The following PEAK1 variants were observed in gnomAD, a reference collection of about 807,000 sequenced individuals.
The protein encoded by PEAK1 is inactive tyrosine-protein kinase PEAK1.
PEAK1 carries 54 observed loss-of-function variants against 124.7 expected under a neutral mutation model. That is an observed-to-expected ratio of 0.43 (90% CI 0.35 to 0.54). PEAK1 has a LOEUF of 0.54. PEAK1 is among the 20% of genes least tolerant of loss of function. The pLI, the probability that PEAK1 is intolerant of heterozygous loss-of-function variation, is 0.01. For synonymous variants in PEAK1, 719 were observed against 760.0 expected (o/e 0.95, Z 0.89); for missense variants, 2,046 against 2,134.5 (o/e 0.96, Z 0.82).
intron 9 of PEAK1, among the ~76,000 whole-genome samples, chr15:77,128,620 T>C (rs970453944): frequency 1.3e-5 from 2 of 152,336 alleles, no homozygotes; most frequent in South Asian, 2.1e-4. Flanking sequence ...TAATAGAACT[T>C]GACTTGCCAG....
At position 77,332,371 on chromosome 15, in the gene PEAK1, G is replaced by A. The variant is rs949729598; in HGVS notation, c.-603+32792C>T. 2.0e-5 allele frequency: 11 copies of A among 550,354 alleles called. No individual in the cohort carries two copies. In the Admixed American group the frequency reaches 3.2e-4, roughly 16 times the overall value. The allele number at this position is 550,354 out of a possible 1,614,324, so 34.1% of individuals were successfully genotyped here. On this transcript the variant is annotated intron_variant, in intron 2 of 9. Coordinates refer to ENST00000682557, the MANE Select transcript of PEAK1 (RefSeq NM_001385026.1). ...TCCTAGCACTTTGGGAGGCTGAGAG[G>A]GGCAGATCACGAGGTCAGGAGATTG...
intron 1 of PEAK1, among the ~76,000 whole-genome samples, chr15:77,406,293 G>A (rs2142058368): frequency 6.6e-6 from 1 of 152,212 alleles, no homozygotes; most frequent in African/African-American, 2.4e-5. Flanking sequence ...AACCAGATAA[G>A]AGAAAGAAAT....
chr15:77,236,221 G>C (rs1317076782), intron 6 of PEAK1, among the ~76,000 whole-genome samples: 1 of 152,224 alleles, frequency 6.6e-6, no homozygotes, highest in Non-Finnish European at 1.5e-5. Context: ...CTGTGCGTCT[G>C]GAAGAGCGGC....
At chr15:77,184,879 G>GACTCTGCCTTGAAAA (rs144772577) in intron 6 of PEAK1, among the ~76,000 whole-genome samples, 1 of 151,972 alleles carries the variant, frequency 6.6e-6, no homozygotes. Flanking sequence ...CACAGTCTAA[G>GACTCTGCCTTGAAAA]ACAAACAAAC....
intron 2 of PEAK1, among the ~76,000 whole-genome samples, chr15:77,292,572 G>A (rs764189906): frequency 1.5e-4 from 23 of 151,930 alleles, no homozygotes; most frequent in Non-Finnish European, 2.4e-4. Context: ...TATAAGAACC[G>A]AAACAAGAAG....
chr15:77,399,286 A>G (rs757079238), intron 1 of PEAK1, among the ~76,000 whole-genome samples: 12 of 152,156 alleles, frequency 7.9e-5, no homozygotes, highest in Non-Finnish European at 1.0e-4. Flanking sequence ...CAATATACCA[A>G]TGACATTCTT....
At chr15:77,144,925 C>T (rs1445793501) in intron 8 of PEAK1, among the ~76,000 whole-genome samples, 1 of 152,148 alleles carries the variant, frequency 6.6e-6, no homozygotes, top group Non-Finnish European at 1.5e-5. Flanking sequence ...GCCCCTGGGA[C>T]CAGACACCAA....
chr15:77,172,227 TATC>T (rs2056561926), intron 7 of PEAK1, among the ~76,000 whole-genome samples: 1 of 152,216 alleles, frequency 6.6e-6, no homozygotes, highest in Non-Finnish European at 1.5e-5. Context: ...AATTTTATAA[TATC>T]ATGCATTGGG....
intron 9 of PEAK1, among the ~76,000 whole-genome samples, chr15:77,116,614 C>T (rs1323459601): frequency 1.3e-5 from 2 of 151,732 alleles, no homozygotes; most frequent in Non-Finnish European, 2.9e-5. Context: ...AAGCATCTCT[C>T]TCTCTCTTTC....
At chr15:77,381,962 G>T (rs543804709) in intron 1 of PEAK1, among the ~76,000 whole-genome samples, 41 of 152,178 alleles carry the variant, frequency 2.7e-4, no homozygotes, top group Non-Finnish European at 5.3e-4. Context: ...CTAATGTCAG[G>T]GTTCTAAGAT....
At chr15:77,253,287 C>A (rs1373081629) in intron 5 of PEAK1, among the ~76,000 whole-genome samples, 5 of 149,132 alleles carry the variant, frequency 3.4e-5, no homozygotes, top group Non-Finnish European at 4.5e-5. Context: ...GAGGACACAT[C>A]AAGGATGACT....
chr15:77,279,482 C>T (rs894775816), intron 5 of PEAK1, among the ~76,000 whole-genome samples: 2 of 152,170 alleles, frequency 1.3e-5, no homozygotes, highest in African/African-American at 4.8e-5. Flanking sequence ...CTGGATGTTC[C>T]AGTGATACCA....
chr15:77,138,197 C>A (rs1418298998), intron 8 of PEAK1, among the ~76,000 whole-genome samples: 1 of 152,100 alleles, frequency 6.6e-6, no homozygotes, highest in Non-Finnish European at 1.5e-5. Context: ...GACTAACACA[C>A]TACTTGTGTA....
At chr15:77,263,005 T>G (rs2061523328) in intron 5 of PEAK1, among the ~76,000 whole-genome samples, 1 of 152,126 alleles carries the variant, frequency 6.6e-6, no homozygotes, top group African/African-American at 2.4e-5. Flanking sequence ...GAATGACTAC[T>G]GGGTACATAA....
chr15:77,270,384 C>A (rs942586420), intron 5 of PEAK1, among the ~76,000 whole-genome samples: 1 of 152,116 alleles, frequency 6.6e-6, no homozygotes, highest in Non-Finnish European at 1.5e-5. Flanking sequence ...AAAACCCCAT[C>A]GTCTCAGCCC....
chr15:77,204,023 G>A (rs1176916230), intron 6 of PEAK1, among the ~76,000 whole-genome samples: 1 of 151,996 alleles, frequency 6.6e-6, no homozygotes, highest in African/African-American at 2.4e-5. Flanking sequence ...ATCTGCAAAG[G>A]GACTGTTATT....
chr15:77,403,819 T>G (rs1234275468), intron 1 of PEAK1: 2 of 982,126 alleles, frequency 2.0e-6, no homozygotes, highest in African/African-American at 3.5e-5. Context: ...TTCAATTCTA[T>G]TCTAATATAT....
At chr15:77,311,685 CAAAAAAA>C (rs11296386) in intron 2 of PEAK1, among the ~76,000 whole-genome samples, 5 of 85,854 alleles carry the variant, frequency 5.8e-5, no homozygotes, top group South Asian at 9.4e-4. Flanking sequence ...CCAACCCCCA[CAAAAAAA>C]AAAAAAAAAA....
Position 77,179,052 on chromosome 15 carries a change from C to G in PEAK1, c.2875G>C (p.Val959Leu). ...GGAGGAGGAGGCAGCATGTGAATGA[C>G]TGTGCCATCCAGGCCCACCAGTTTC... The part of the protein sequence containing the change: ...KGKLVGLDGT[V>L]IHMLPPPPVQ... Residue 959 changes from valine (V) to leucine (L), a missense_variant, in exon 7 of 10, where the codon GTC becomes CTC. Transcript: ENST00000682557. 6.2e-7 allele frequency: 1 copy of G among 1,614,178 alleles called. No individual in the cohort carries two copies.
Sources: allele counts gnomAD v4.1 joint callset (sites outside exome capture counted in the v4.1 genomes callset), GRCh38; gene constraint gnomAD v4.1.1; transcripts MANE v1.5; gene names NCBI Gene and HGNC (gene_info 2026-07-23, HGNC 2026-07-21).